Variants in DNER observed in about 807,000 individuals in gnomAD.
The protein encoded by DNER is delta and Notch-like epidermal growth factor-related receptor.
Under a neutral mutation model 78.2 loss-of-function variants are expected in DNER, and 33 were observed. The observed-to-expected ratio is 0.42, with a 90% CI of 0.32 to 0.56. The LOEUF (loss-of-function observed/expected upper bound fraction) is 0.56. Among genes scored for constraint, DNER ranks in the 20% least tolerant of loss-of-function variants. The pLI is 0.11. For missense variants in DNER, 918 were observed against 975.3 expected (o/e 0.94, Z 0.78); for synonymous variants, 417 against 384.8 (o/e 1.08, Z -0.98).
At chr2:229,658,689 A>G (rs1698953651) in intron 1 of DNER, among the ~76,000 whole-genome samples, 1 of 152,174 alleles carries the variant, frequency 6.6e-6, no homozygotes, top group Admixed American at 6.6e-5. Flanking sequence ...TTACTCCTTT[A>G]TCTGAATGAC....
At chr2:229,557,787 G>GA (rs995538587) in intron 4 of DNER, among the ~76,000 whole-genome samples, 10 of 151,802 alleles carry the variant, frequency 6.6e-5, no homozygotes, top group Non-Finnish European at 1.5e-4. Context: ...ATGGAGGAAA[G>GA]AAAATGAAGG....
intron 4 of DNER, among the ~76,000 whole-genome samples, chr2:229,578,901 T>C (rs1697347299): frequency 6.6e-6 from 1 of 152,214 alleles, no homozygotes; most frequent in Non-Finnish European, 1.5e-5. Flanking sequence ...CTTTTTCGTT[T>C]GAAAGATAAA....
intron 7 of DNER, among the ~76,000 whole-genome samples, chr2:229,456,713 G>C (rs939465556): frequency 2.0e-5 from 3 of 151,990 alleles, no homozygotes; most frequent in African/African-American, 7.3e-5. Context: ...AGCACCCTTT[G>C]CTCTTTCACT....
chr2:229,362,050 T>A (rs529974476), intron 12 of DNER, among the ~76,000 whole-genome samples: 1 of 152,070 alleles, frequency 6.6e-6, no homozygotes, highest in Non-Finnish European at 1.5e-5. Flanking sequence ...CTTTAAAAGA[T>A]GGGAAGGAGT....
At chr2:229,663,035 C>T (rs1345802300) in intron 1 of DNER, among the ~76,000 whole-genome samples, 1 of 152,220 alleles carries the variant, frequency 6.6e-6, no homozygotes, top group East Asian at 1.9e-4. Context: ...AGAAAAACCA[C>T]ACTGGGCCTT....
chr2:229,539,554 T>C (rs1055522579), intron 5 of DNER, among the ~76,000 whole-genome samples: 19 of 152,240 alleles, frequency 1.2e-4, no homozygotes, highest in Non-Finnish European at 2.4e-4. Context: ...TTACTTTCCA[T>C]GCTCCCATAT....
intron 9 of DNER, among the ~76,000 whole-genome samples, chr2:229,413,694 A>T (rs1244330878): frequency 6.6e-6 from 1 of 151,228 alleles, no homozygotes; most frequent in Non-Finnish European, 1.5e-5. Flanking sequence ...TTTTAGGAGG[A>T]TAAATATATA....
At chr2:229,683,244 G>T (rs1020946551) in intron 1 of DNER, among the ~76,000 whole-genome samples, 6 of 152,124 alleles carry the variant, frequency 3.9e-5, no homozygotes, top group African/African-American at 1.4e-4. Context: ...TTTTATGGAT[G>T]AGGAAACCAA....
chr2:229,455,050 CAGACTTAAAGGCTG>C (rs1189112622), intron 7 of DNER, among the ~76,000 whole-genome samples: 1 of 152,058 alleles, frequency 6.6e-6, no homozygotes, highest in Non-Finnish European at 1.5e-5. Flanking sequence ...AAAGGAATGC[CAGACTTAAAGGCTG>C]AGTCACTTTT....
chr2:229,396,481 A>T (rs1693144998), intron 10 of DNER, among the ~76,000 whole-genome samples: 1 of 152,214 alleles, frequency 6.6e-6, no homozygotes, highest in Non-Finnish European at 1.5e-5. Flanking sequence ...GTGGACAGAA[A>T]CAGAAAGAAT....
chr2:229,530,568 G>A (rs762525742), intron 5 of DNER, among the ~76,000 whole-genome samples: 4 of 152,372 alleles, frequency 2.6e-5, no homozygotes, highest in East Asian at 1.9e-4. Flanking sequence ...CTGTATTCAC[G>A]GCAATGGCCC....
chr2:229,542,449 T>C (rs142284631), intron 5 of DNER, among the ~76,000 whole-genome samples: 2 of 152,232 alleles, frequency 1.3e-5, no homozygotes, highest in African/African-American at 4.8e-5. Flanking sequence ...CAAGTGCCTC[T>C]GACAGAAAAG....
intron 6 of DNER, among the ~76,000 whole-genome samples, chr2:229,496,346 T>C (rs1695502103): frequency 6.6e-6 from 1 of 152,244 alleles, no homozygotes; most frequent in Non-Finnish European, 1.5e-5. Context: ...ACTTCATTAA[T>C]ATTTATAAGT....
intron 6 of DNER, among the ~76,000 whole-genome samples, chr2:229,496,110 TGGAAAACCA>T (rs1695495651): frequency 6.6e-6 from 1 of 152,206 alleles, no homozygotes; most frequent in South Asian, 2.1e-4. Flanking sequence ...GTCAATGTAA[TGGAAAACCA>T]CCACAGGCTT....
At chr2:229,706,100 G>A (rs1386734879) in intron 1 of DNER, among the ~76,000 whole-genome samples, 1 of 152,154 alleles carries the variant, frequency 6.6e-6, no homozygotes, top group East Asian at 1.9e-4. Context: ...TAGCCATCAA[G>A]AGGGATGGAA....
intron 1 of DNER, among the ~76,000 whole-genome samples, chr2:229,598,907 T>C (rs78528532): frequency 0.042 from 6,428 of 152,102 alleles, 188 homozygotes; most frequent in East Asian, 0.12. Context: ...AGACTTAAGA[T>C]TCTATTGATA....
At chr2:229,644,894 T>G (rs1698687670) in intron 1 of DNER, among the ~76,000 whole-genome samples, 1 of 152,146 alleles carries the variant, frequency 6.6e-6, no homozygotes, top group Non-Finnish European at 1.5e-5. Flanking sequence ...AGATGAGTAA[T>G]CGGTAACTGT....
chr2:229,444,909 C>T (rs2106361146), intron 8 of DNER, among the ~76,000 whole-genome samples: 1 of 152,172 alleles, frequency 6.6e-6, no homozygotes, highest in East Asian at 1.9e-4. Flanking sequence ...GAAAAGAAGT[C>T]AGAGGAGAAA....
At chr2:229,456,100 G>A (rs546808744) in intron 7 of DNER, among the ~76,000 whole-genome samples, 2 of 152,096 alleles carry the variant, frequency 1.3e-5, no homozygotes, top group South Asian at 2.1e-4. Flanking sequence ...ATTGGCTGAC[G>A]GTTCTGCAGG....
Sources: allele counts gnomAD v4.1 joint callset (sites outside exome capture counted in the v4.1 genomes callset), GRCh38; gene constraint gnomAD v4.1.1; transcripts MANE v1.5; gene names NCBI Gene and HGNC (gene_info 2026-07-23, HGNC 2026-07-21).